Variants in SNTG1 observed in about 807,000 individuals in gnomAD.
The protein encoded by SNTG1 is syntrophin gamma 1, also known as gamma-1-syntrophin.
In SNTG1, 39 loss-of-function variants were observed where a neutral mutation model predicts 74.7. The ratio of observed to expected loss-of-function variants is 0.52; its 90% CI spans 0.40 to 0.68. The LOEUF is 0.68. Among genes scored for constraint, SNTG1 ranks in the 30% least tolerant of loss-of-function variants. The pLI is 0.00. For missense variants in SNTG1, 685 were observed against 609.5 expected (o/e 1.12, Z -1.30); for synonymous variants, 254 against 217.1 (o/e 1.17, Z -1.49).
chr8:50,193,984 T>C (rs1213898283), intron 2 of SNTG1, among the ~76,000 whole-genome samples: 1 of 152,172 alleles, frequency 6.6e-6, no homozygotes, highest in Non-Finnish European at 1.5e-5. Context: ...TATTGACTTG[T>C]GTATATTAAA....
intron 1 of SNTG1, among the ~76,000 whole-genome samples, chr8:49,951,206 T>C (rs1383828928): frequency 6.6e-6 from 1 of 152,160 alleles, no homozygotes; most frequent in East Asian, 1.9e-4. Flanking sequence ...CATACTCTTA[T>C]GCTACGGAAA....
intron 1 of SNTG1, among the ~76,000 whole-genome samples, chr8:50,052,031 CT>C (rs1273663551): frequency 6.6e-6 from 1 of 151,964 alleles, no homozygotes; most frequent in African/African-American, 2.4e-5. Flanking sequence ...AAAATTTCAG[CT>C]TTTTTGCAGA....
At chr8:50,630,313 GTT>G (rs1563669105) in intron 13 of SNTG1, among the ~76,000 whole-genome samples, 2 of 152,108 alleles carry the variant, frequency 1.3e-5, no homozygotes, top group African/African-American at 4.8e-5. Flanking sequence ...TTAGTTTAAG[GTT>G]TTTAAGAAAA....
intron 1 of SNTG1, among the ~76,000 whole-genome samples, chr8:49,993,500 A>C (rs1384329085): frequency 6.6e-6 from 1 of 152,080 alleles, no homozygotes; most frequent in Non-Finnish European, 1.5e-5. Context: ...TCAACCCATC[A>C]TCTAGGTTTT....
chr8:50,369,376 C>T (rs2092209892), intron 2 of SNTG1, among the ~76,000 whole-genome samples: 1 of 152,162 alleles, frequency 6.6e-6, no homozygotes, highest in African/African-American at 2.4e-5. Flanking sequence ...GCAGGTGGAT[C>T]ACATGAGGTT....
Position 50,123,492 on chromosome 8 carries a change from G to T in SNTG1, c.-102-49069G>T, listed in dbSNP as rs2081057067. ...TTCACTGCTGCCAAAAATATAAAGAGATCAGGCATTTAGAACATCTTTACA... is the reference window on the plus strand; with the variant it reads ...TTCACTGCTGCCAAAAATATAAAGATATCAGGCATTTAGAACATCTTTACA... On this transcript the variant is annotated intron_variant, in intron 1 of 18. Transcript: ENST00000642720. 1.4e-5 allele frequency among the ~76,000 whole-genome samples: 2 copies of T among 142,242 alleles called. 1 individual carries two copies. The highest frequency in any genetic ancestry group is 5.1e-5 in the African/African-American group (2 of 39,302). The allele number at this position is 142,242 out of a possible 152,430, so 93.3% of individuals were successfully genotyped here.
At chr8:50,774,776 A>G (rs1245043912) in intron 18 of SNTG1, among the ~76,000 whole-genome samples, 2 of 151,732 alleles carry the variant, frequency 1.3e-5, no homozygotes, top group Admixed American at 1.3e-4. Context: ...CTTGTAATAT[A>G]TAAAGATGTA....
At chr8:50,021,701 A>T (rs1029790597) in intron 1 of SNTG1, among the ~76,000 whole-genome samples, 7 of 152,030 alleles carry the variant, frequency 4.6e-5, no homozygotes, top group African/African-American at 1.7e-4. Flanking sequence ...TTGGGAGCCC[A>T]AAGTGGGAGG....
rs548531199 is a variant in SNTG1 at position 50,046,737 on chromosome 8, C to T, written c.-102-125824C>T. Among the ~76,000 whole-genome samples, 5 of 152,234 alleles carry T rather than the reference C, an allele frequency of 3.3e-5. No homozygotes were observed. In the East Asian group the frequency reaches 7.7e-4, roughly 24 times the overall value. ...TATTTAAACAAAAGAAGTGATTTTC[C>T]TCTGCCACAAATGCTGACTGTTCAA... On this transcript the variant is annotated intron_variant, in intron 1 of 18. Transcript: ENST00000642720.
intron 1 of SNTG1, among the ~76,000 whole-genome samples, chr8:49,999,561 CT>C (rs1814557900): frequency 6.6e-6 from 1 of 152,168 alleles, no homozygotes; most frequent in Non-Finnish European, 1.5e-5. Flanking sequence ...CGTCCCTATT[CT>C]TTTTGAACAT....
chr8:50,073,027 G>A (rs1264710589), intron 1 of SNTG1, among the ~76,000 whole-genome samples: 1 of 152,146 alleles, frequency 6.6e-6, no homozygotes, highest in African/African-American at 2.4e-5. Context: ...GTTCCTAAAG[G>A]CTGGGGTGGG....
chr8:50,647,109 C>T (rs1451544919), intron 13 of SNTG1, among the ~76,000 whole-genome samples: 1 of 151,934 alleles, frequency 6.6e-6, no homozygotes, highest in African/African-American at 2.4e-5. Flanking sequence ...AATAAAACAC[C>T]TAGAGGATGA....
chr8:50,684,740 C>CTTTTTTTTTTTTTTTTCT (rs71235319), intron 15 of SNTG1, among the ~76,000 whole-genome samples: 8 of 135,106 alleles, frequency 5.9e-5, no homozygotes, highest in Non-Finnish European at 1.1e-4. Context: ...TTTTTTTTTT[C>CTTTTTTTTTTTTTTTTCT]TTTTTTTTTA....
At chr8:50,505,617 G>T (rs760474675) in intron 9 of SNTG1, among the ~76,000 whole-genome samples, 1 of 152,004 alleles carries the variant, frequency 6.6e-6, no homozygotes, top group African/African-American at 2.4e-5. Context: ...AATCTTAAGC[G>T]TCTTTTCACA....
At chr8:50,201,837 C>A (rs1002303117) in intron 2 of SNTG1, among the ~76,000 whole-genome samples, 6 of 152,142 alleles carry the variant, frequency 3.9e-5, no homozygotes, top group African/African-American at 1.4e-4. Flanking sequence ...ACTCTCTAAT[C>A]TATCACCACC....
At chr8:50,354,514 A>T (rs1488834795) in intron 2 of SNTG1, among the ~76,000 whole-genome samples, 11 of 152,208 alleles carry the variant, frequency 7.2e-5, no homozygotes, top group Non-Finnish European at 4.4e-5. Flanking sequence ...AGCTACAATT[A>T]TGTATTGTTT....
rs183636781 is a variant in SNTG1, at chr8:50,233,312, G to C, written c.-28+60677G>C. 3.4e-3 allele frequency among the ~76,000 whole-genome samples: 510 copies of C among 151,704 alleles called. 1 individual carries two copies. Among genetic ancestry groups the C allele is most frequent in the Non-Finnish European group, 5.8e-3 (389 of 67,616 alleles). ...TTCAAAAGCAATTAAATGGAGGAAG[G>C]ATAGTCTTTTCAAAAAATGGTGCTG... On this transcript the variant is annotated intron_variant, in intron 2 of 18. Coordinates refer to ENST00000642720, the MANE Select transcript of SNTG1 (RefSeq NM_018967.5).
chr8:50,387,547 T>C (rs2092594730), intron 2 of SNTG1, among the ~76,000 whole-genome samples: 3 of 152,254 alleles, frequency 2.0e-5, no homozygotes, highest in South Asian at 4.1e-4. Flanking sequence ...ACTGTCAGAA[T>C]CCTTTCTAAC....
intron 15 of SNTG1, among the ~76,000 whole-genome samples, chr8:50,690,097 C>G (rs1463253186): frequency 6.6e-6 from 1 of 151,818 alleles, no homozygotes; most frequent in Non-Finnish European, 1.5e-5. Context: ...TGGTGATATC[C>G]CCTTTATCAT....
Sources: gnomAD v4.1 joint callset for allele counts (sites outside exome capture counted in the v4.1 genomes callset) on GRCh38, gnomAD v4.1.1 for gene constraint, MANE v1.5 for transcripts, NCBI Gene and HGNC (gene_info 2026-07-23, HGNC 2026-07-21) for gene names.